OPCML: variants seen among roughly 807,000 people sequenced by gnomAD.
OPCML encodes the protein opioid binding protein/cell adhesion molecule like.
A neutral mutation model predicts 37.8 loss-of-function variants in OPCML; 13 were observed. That is an observed-to-expected ratio of 0.34 (90% CI 0.22 to 0.55). The LOEUF (loss-of-function observed/expected upper bound fraction) is 0.55. OPCML is among the 20% of genes least tolerant of loss of function. The pLI is 0.91. For missense variants in OPCML, 341 were observed against 435.6 expected, an observed-to-expected ratio of 0.78 and a Z score of 1.93; for synonymous variants, 176 against 168.8, an observed-to-expected ratio of 1.04 and a Z score of -0.33.
chr11:132,596,711 A>G (rs1206144374), intron 3 of OPCML, among the ~76,000 whole-genome samples: 1 of 152,162 alleles, frequency 6.6e-6, no homozygotes, highest in East Asian at 1.9e-4. Context: ...TGGGAAAACT[A>G]TCTTCTTTAC....
At chr11:133,483,467 G>C (rs1167030168) in intron 1 of OPCML, among the ~76,000 whole-genome samples, 1 of 151,922 alleles carries the variant, frequency 6.6e-6, no homozygotes, top group Non-Finnish European at 1.5e-5. Flanking sequence ...TAGAAAAAGA[G>C]AGACAGTCTT....
intron 1 of OPCML, among the ~76,000 whole-genome samples, chr11:133,246,068 T>C (rs549147053): frequency 2.6e-5 from 4 of 152,208 alleles, no homozygotes; most frequent in Admixed American, 6.5e-5. Flanking sequence ...ATGGCACATG[T>C]ATACCTATGT....
intron 4 of OPCML, among the ~76,000 whole-genome samples, chr11:132,505,581 A>T (rs1276014464): frequency 1.3e-5 from 2 of 152,206 alleles, no homozygotes; most frequent in Non-Finnish European, 2.9e-5. Flanking sequence ...ATGAACGAAA[A>T]CGTCCAATTA....
rs1940401 is a variant in OPCML, at chr11:132,527,545, A to G, written c.505+1516T>C. On this transcript the variant is annotated intron_variant, in intron 4 of 7. Coordinates refer to ENST00000524381, the MANE Select transcript of OPCML (RefSeq NM_001012393.5). ...ACTGTATCTTCTTTTGGAATTGCCC[A>G]TTTTTTTTTTCAGTTTGAAGTGGAG... Among the ~76,000 whole-genome samples, 44 of 143,432 alleles carry G rather than the reference A, an allele frequency of 3.1e-4. 1 individual carries two copies. The East Asian group carries it at 6.9e-3, about 22-fold the overall frequency. The allele number at this position is 143,432 out of a possible 152,430, so 94.1% of individuals were successfully genotyped here.
intron 1 of OPCML, among the ~76,000 whole-genome samples, chr11:132,992,400 ATC>A (rs1224392613): frequency 7.2e-5 from 11 of 152,216 alleles, no homozygotes; most frequent in Non-Finnish European, 1.5e-4. Context: ...TTGCAATAAT[ATC>A]TGTCTCCATT....
At chr11:133,260,510 G>A (rs1941456906) in intron 1 of OPCML, among the ~76,000 whole-genome samples, 1 of 152,072 alleles carries the variant, frequency 6.6e-6, no homozygotes, top group African/African-American at 2.4e-5. Flanking sequence ...TCTGGGATTT[G>A]CATCTGGACT....
chr11:133,319,910 T>A (rs1943290709), intron 1 of OPCML, among the ~76,000 whole-genome samples: 2 of 152,174 alleles, frequency 1.3e-5, no homozygotes, highest in African/African-American at 4.8e-5. Flanking sequence ...AAAACAGAAT[T>A]TTTTGGAATT....
intron 2 of OPCML, among the ~76,000 whole-genome samples, chr11:132,929,219 G>GA (rs1291396330): frequency 6.6e-6 from 1 of 151,488 alleles, no homozygotes; most frequent in East Asian, 1.9e-4. Flanking sequence ...GATTGACTAA[G>GA]AAAAAAATAA....
chr11:133,041,211 A>G (rs373827492), intron 1 of OPCML, among the ~76,000 whole-genome samples: 1 of 152,246 alleles, frequency 6.6e-6, no homozygotes, highest in South Asian at 2.1e-4. Context: ...GAGAAAAACA[A>G]CAGCCACCAC....
chr11:133,072,705 G>T (rs61910337), intron 1 of OPCML, among the ~76,000 whole-genome samples: 1 of 152,214 alleles, frequency 6.6e-6, no homozygotes, highest in African/African-American at 2.4e-5. Context: ...GGTCTAGGGA[G>T]GGGACAGACA....
intron 1 of OPCML, among the ~76,000 whole-genome samples, chr11:133,332,866 T>C (rs571069238): frequency 7.0e-4 from 106 of 152,270 alleles, no homozygotes; most frequent in African/African-American, 2.5e-3. Flanking sequence ...AAGTATTTTA[T>C]TGAGAACAAA....
chr11:132,672,767 C>T (rs1416220547), intron 2 of OPCML, among the ~76,000 whole-genome samples: 1 of 152,122 alleles, frequency 6.6e-6, no homozygotes, highest in African/African-American at 2.4e-5. Context: ...AACAGGAGAT[C>T]CATTGATTCC....
At chr11:132,987,755 A>G (rs937052055) in intron 1 of OPCML, among the ~76,000 whole-genome samples, 3 of 152,154 alleles carry the variant, frequency 2.0e-5, no homozygotes, top group African/African-American at 7.2e-5. Flanking sequence ...TGCTCCACCA[A>G]CTAGCTCCTG....
intron 2 of OPCML, among the ~76,000 whole-genome samples, chr11:132,934,220 G>T (rs183611495): frequency 1.3e-5 from 2 of 152,132 alleles, no homozygotes; most frequent in Non-Finnish European, 2.9e-5. Flanking sequence ...CAGTCAGAGC[G>T]GGGTTAAGGG....
intron 4 of OPCML, among the ~76,000 whole-genome samples, chr11:132,438,144 T>G (rs2096019418): frequency 6.6e-6 from 1 of 152,234 alleles, no homozygotes. Flanking sequence ...AAATTTGTAT[T>G]GCTTTTATGC....
intron 1 of OPCML, among the ~76,000 whole-genome samples, chr11:133,501,178 A>G (rs1465562961): frequency 6.6e-6 from 1 of 152,156 alleles, no homozygotes; most frequent in East Asian, 1.9e-4. Flanking sequence ...ACATGGAGAC[A>G]CACAAGCGCC....
chr11:132,803,544 A>G (rs79115005), intron 2 of OPCML, among the ~76,000 whole-genome samples: 1,703 of 152,286 alleles, frequency 0.011, 31 homozygotes, highest in African/African-American at 0.039. Flanking sequence ...TTGATGGGAC[A>G]TGGTGGGAGG....
intron 1 of OPCML, among the ~76,000 whole-genome samples, chr11:133,046,585 C>A (rs141621968): frequency 6.6e-6 from 1 of 152,170 alleles, no homozygotes; most frequent in African/African-American, 2.4e-5. Flanking sequence ...CACAACACAA[C>A]GCCAGGCATT....
At chr11:133,521,956 G>A (rs1948406095) in intron 1 of OPCML, among the ~76,000 whole-genome samples, 1 of 152,200 alleles carries the variant, frequency 6.6e-6, no homozygotes, top group Non-Finnish European at 1.5e-5. Context: ...GCATGGTTTT[G>A]AGTCTGAACT....
Sources: gnomAD v4.1 joint callset for allele counts (sites outside exome capture counted in the v4.1 genomes callset) on GRCh38, gnomAD v4.1.1 for gene constraint, MANE v1.5 for transcripts, NCBI Gene and HGNC (gene_info 2026-07-23, HGNC 2026-07-21) for gene names.